The following DEPDC1B variants were observed in gnomAD, a reference collection of about 807,000 sequenced individuals.
DEPDC1B encodes the protein DEP domain-containing protein 1B.
A neutral mutation model predicts 66.5 loss-of-function variants in DEPDC1B; 51 were observed. The observed-to-expected ratio is 0.77, with a 90% CI of 0.61 to 0.97. The LOEUF (loss-of-function observed/expected upper bound fraction) is 0.97, where lower values mean the gene tolerates loss of function less well. Among genes scored for constraint, DEPDC1B ranks in the 50% least tolerant of loss-of-function variants. The pLI, the probability that DEPDC1B is intolerant of heterozygous loss-of-function variation, is 0.00. For missense variants in DEPDC1B, 552 were observed against 637.1 expected (o/e 0.87, Z 1.44); for synonymous variants, 226 against 223.6 (o/e 1.01, Z -0.10).
rs1287577429 is a variant in DEPDC1B at position 60,653,192 on chromosome 5, T to A, written c.315-5659A>T. ...TTCTTTAAGGAATCTCCATCCACAC[T>A]GTTTTCCATAGTTGTACTAGTTTAC... On this transcript the variant is annotated intron_variant, in intron 2 of 10. Transcript: ENST00000265036. Among the ~76,000 whole-genome samples, 2 of 149,464 alleles carry A rather than the reference T, an allele frequency of 1.3e-5. 1 individual carries two copies. Among genetic ancestry groups the A allele is most frequent in the East Asian group, 4.1e-4 (2 of 4,900 alleles).
intron 1 of DEPDC1B, among the ~76,000 whole-genome samples, chr5:60,694,531 G>C (rs1754614338): frequency 6.6e-6 from 1 of 152,082 alleles, no homozygotes; most frequent in Admixed American, 6.5e-5. Flanking sequence ...GGAGCCTAAA[G>C]CCTTACACTT....
intron 7 of DEPDC1B, among the ~76,000 whole-genome samples, chr5:60,614,160 A>G (rs1010991234): frequency 6.6e-6 from 1 of 152,150 alleles, no homozygotes; most frequent in African/African-American, 2.4e-5. Flanking sequence ...AATCTTTCTG[A>G]GCATGGTTCT....
intron 7 of DEPDC1B, among the ~76,000 whole-genome samples, chr5:60,629,127 G>A (rs943007408): frequency 5.9e-5 from 9 of 152,164 alleles, no homozygotes; most frequent in South Asian, 2.1e-4. Context: ...CAGCTTCTCC[G>A]GGGAGCTTTT....
chr5:60,635,850 T>C (rs1405411957), intron 7 of DEPDC1B, among the ~76,000 whole-genome samples: 1 of 152,136 alleles, frequency 6.6e-6, no homozygotes, highest in Non-Finnish European at 1.5e-5. Flanking sequence ...TTAATTAAAT[T>C]CTCTTTTTAA....
intron 2 of DEPDC1B, among the ~76,000 whole-genome samples, chr5:60,657,998 TTTTC>T (rs1753616935): frequency 6.6e-6 from 1 of 152,202 alleles, no homozygotes; most frequent in Admixed American, 6.5e-5. Flanking sequence ...TTAATTCTTT[TTTTC>T]TTTGTCTTTA....
intron 3 of DEPDC1B, 106 bp downstream of exon 3, chr5:60,647,292 A>G (rs1038902599): frequency 3.6e-6 from 5 of 1,387,070 alleles, no homozygotes; most frequent in Non-Finnish European, 4.7e-6. Context: ...GTTTTAAAGT[A>G]CCTTTAAATT....
At chr5:60,621,844 A>G (rs1219686118) in intron 7 of DEPDC1B, among the ~76,000 whole-genome samples, 5 of 152,192 alleles carry the variant, frequency 3.3e-5, no homozygotes, top group African/African-American at 9.6e-5. Context: ...CTTTCAGACA[A>G]TGAATTCAAA....
At chr5:60,604,215 A>ATTTTTTTTTTTTTTTT (rs1323826916) in intron 8 of DEPDC1B, among the ~76,000 whole-genome samples, 4 of 60,078 alleles carry the variant, frequency 6.7e-5, no homozygotes, top group East Asian at 6.2e-4. Flanking sequence ...GAAATTAACT[A>ATTTTTTTTTTTTTTTT]TTCTTTTTTT....
chr5:60,655,372 G>T (rs1380223312), intron 2 of DEPDC1B, among the ~76,000 whole-genome samples: 1 of 148,860 alleles, frequency 6.7e-6, no homozygotes, highest in Non-Finnish European at 1.5e-5. Flanking sequence ...TATATTTTCA[G>T]AAATTTATAC....
intron 2 of DEPDC1B, among the ~76,000 whole-genome samples, chr5:60,648,632 T>C (rs1561374744): frequency 6.6e-6 from 1 of 152,156 alleles, no homozygotes; most frequent in Non-Finnish European, 1.5e-5. Context: ...TGAAAAGGAA[T>C]GACAAGTGGA....
In DEPDC1B at chr5:60,700,099, G is replaced by GTAGGCAGCAGCGGCCGCAGCC. The variant is rs1754754847; in HGVS notation, c.-27_-7dup. 2 of 1,550,208 alleles carry GTAGGCAGCAGCGGCCGCAGCC rather than the reference G, an allele frequency of 1.3e-6. No homozygotes were observed. Among genetic ancestry groups the GTAGGCAGCAGCGGCCGCAGCC allele is most frequent in the Non-Finnish European group, 1.7e-6 (2 of 1,149,840 alleles). On this transcript the variant is annotated 5_prime_UTR_variant, in exon 1 of 11. Coordinates refer to ENST00000265036, the MANE Select transcript of DEPDC1B (RefSeq NM_018369.3). ...CCCACGATGCGATGCTCCATGGCGC[G>GTAGGCAGCAGCGGCCGCAGCC]TAGGCAGCAGCGGCCGCAGCCGCGC...
At chr5:60,656,579 A>C (rs1007776678) in intron 2 of DEPDC1B, among the ~76,000 whole-genome samples, 1 of 152,222 alleles carries the variant, frequency 6.6e-6, no homozygotes, top group Non-Finnish European at 1.5e-5. Context: ...CAGGTAATTT[A>C]TAAAGAAAAG....
intron 7 of DEPDC1B, among the ~76,000 whole-genome samples, chr5:60,623,473 T>C (rs964171506): frequency 6.6e-5 from 10 of 152,154 alleles, no homozygotes; most frequent in Admixed American, 5.9e-4. Flanking sequence ...TAATTTTTTC[T>C]CCTTTTCTCC....
chr5:60,683,850 T>C (rs746733276), intron 2 of DEPDC1B, among the ~76,000 whole-genome samples: 5 of 152,108 alleles, frequency 3.3e-5, no homozygotes, highest in Non-Finnish European at 7.4e-5. Flanking sequence ...TAAACTTATA[T>C]AGAGAAAATC....
At position 60,686,924 on chromosome 5, in the gene DEPDC1B, C is replaced by A. The variant is rs773735942; in HGVS notation, c.314+38G>T. 3.1e-6 allele frequency: 5 copies of A among 1,607,728 alleles called. No individual in the cohort carries two copies. In the East Asian group the frequency reaches 1.1e-4, roughly 36 times the overall value. ...ACTTGGACCAGATTCACTCATCTCC[C>A]CAATTCCTCACCTTCCAGGTTTACA... On this transcript the variant is annotated intron_variant, in intron 2 of 10. Coordinates refer to ENST00000265036, the MANE Select transcript of DEPDC1B (RefSeq NM_018369.3).
At chr5:60,636,677 C>A (rs979404131) in intron 7 of DEPDC1B, among the ~76,000 whole-genome samples, 9 of 151,960 alleles carry the variant, frequency 5.9e-5, no homozygotes, top group East Asian at 1.9e-4. Flanking sequence ...ATCTAGAAGG[C>A]CTTCTTCTTT....
chr5:60,599,314 T>C, intron 9 of DEPDC1B, 54 bp from the exon 10 acceptor site: 7 of 1,394,406 alleles, frequency 5.0e-6, no homozygotes, highest in Non-Finnish European at 6.7e-6. Context: ...AAATAAATTA[T>C]AAGAATTAGT....
At chr5:60,651,281 A>T (rs1753444403) in intron 2 of DEPDC1B, among the ~76,000 whole-genome samples, 1 of 152,146 alleles carries the variant, frequency 6.6e-6, no homozygotes, top group Admixed American at 6.5e-5. Flanking sequence ...TAATCCCAGC[A>T]CTTTGGGAGA....
intron 1 of DEPDC1B, among the ~76,000 whole-genome samples, chr5:60,690,987 T>C (rs951831332): frequency 3.9e-5 from 6 of 152,068 alleles, no homozygotes; most frequent in Non-Finnish European, 8.8e-5. Flanking sequence ...CCCGGATGTG[T>C]AGCACAGTGT....
Sources: allele counts gnomAD v4.1 joint callset (sites outside exome capture counted in the v4.1 genomes callset), GRCh38; gene constraint gnomAD v4.1.1; transcripts MANE v1.5; gene names NCBI Gene and HGNC (gene_info 2026-07-23, HGNC 2026-07-21).